Variants in IL6ST observed in about 807,000 individuals in gnomAD.
IL6ST encodes interleukin 6 cytokine family signal transducer.
A neutral mutation model predicts 91.3 loss-of-function variants in IL6ST; 24 were observed. That is an observed-to-expected ratio of 0.26 (90% confidence interval 0.19 to 0.37). The LOEUF is 0.37. Among genes scored for constraint, IL6ST ranks in the 10% least tolerant of loss-of-function variants. The pLI, the probability that IL6ST is intolerant of heterozygous loss-of-function variation, is 1.00. For missense variants in IL6ST, 914 were observed against 1,078.5 expected (o/e 0.85, Z 2.14); for synonymous variants, 351 against 373.6 (o/e 0.94, Z 0.70).
At chr5:55,986,837 AC>A (rs1220422919) in intron 1 of IL6ST, among the ~76,000 whole-genome samples, 2 of 152,018 alleles carry the variant, frequency 1.3e-5, no homozygotes, top group Admixed American at 1.3e-4. Flanking sequence ...CTCCCCCCAG[AC>A]CTTTGTGCTA....
intron 9 of IL6ST, among the ~76,000 whole-genome samples, 172 bp downstream of exon 9, chr5:55,957,037 A>T (rs1291898486): frequency 6.6e-6 from 1 of 152,024 alleles, no homozygotes; most frequent in Non-Finnish European, 1.5e-5. Flanking sequence ...GCACACCTGT[A>T]GTCCCAGCTA....
chr5:55,952,405 T>A, intron 11 of IL6ST, 54 bp from the exon 12 acceptor site: 1 of 952,838 alleles, frequency 1.0e-6, no homozygotes, highest in Non-Finnish European at 1.6e-6. Flanking sequence ...AAAGTCAAGT[T>A]AATACCGTAA....
Position 55,969,645 on chromosome 5 carries a change from G to A in IL6ST, c.275C>T (p.Thr92Ile). 2.5e-6 allele frequency: 4 copies of A among 1,611,948 alleles called. No individual in the cohort carries two copies. Among genetic ancestry groups the A allele is most frequent in the Non-Finnish European group, 3.4e-6 (4 of 1,178,164 alleles). Residue 92 changes from threonine to isoleucine, a missense_variant, in exon 4 of 17, where the codon ACA (threonine) becomes ATA (isoleucine). By Grantham distance (89) the Thr-to-Ile change is moderately conservative. Coordinates refer to ENST00000381298, the MANE Select transcript of IL6ST (RefSeq NM_002184.4). ...CTGAATATTTAATGAAGCTATATCT[G>A]TAAAGGTGACACTGGATGCTGTTCT... ...INRTASSVTF[T>I]DIASLNIQLT...
chr5:55,982,550 G>C (rs1343483871), intron 2 of IL6ST, among the ~76,000 whole-genome samples, 174 bp downstream of exon 2: 1 of 151,948 alleles, frequency 6.6e-6, no homozygotes, highest in Non-Finnish European at 1.5e-5. Context: ...TCAATTATGA[G>C]TTCATAACAA....
Position 55,952,391 on chromosome 5 carries a change from T to C in IL6ST, c.1451-40A>G, listed in dbSNP as rs1751690568. 2.5e-6 allele frequency: 3 copies of C among 1,206,486 alleles called. No homozygotes were observed. In the African/African-American group the frequency reaches 4.5e-5, roughly 18 times the overall value. 74.7% of individuals were successfully genotyped at this position (1,206,486 alleles called of 1,614,324 possible). On this transcript the variant is annotated intron_variant, in intron 11 of 16. Coordinates refer to ENST00000381298, the MANE Select transcript of IL6ST (RefSeq NM_002184.4). Reference sequence around the variant, plus strand: ...GCAGATTAAGCATGTTTTTCCATAATGAAAAAGTCAAGTTAATACCGTAAT... The same window carrying C: ...GCAGATTAAGCATGTTTTTCCATAACGAAAAAGTCAAGTTAATACCGTAAT...
At position 55,972,121 on chromosome 5, in the gene IL6ST, G is replaced by A. The variant is rs116678749; in HGVS notation, c.65-2266C>T. ...ATACTTTCTCTAAAGTAATCATAGG[G>A]ATGTTAAATATGAAATATACTCTAG... On this transcript the variant is annotated intron_variant, in intron 3 of 16. Coordinates refer to ENST00000381298, the MANE Select transcript of IL6ST (RefSeq NM_002184.4). 6.7e-3 allele frequency among the ~76,000 whole-genome samples: 1,027 copies of A among 152,250 alleles called. 5 individuals are homozygous for A. The highest frequency in any genetic ancestry group is 0.011 in the Non-Finnish European group (769 of 68,028).
In IL6ST at chr5:55,938,796, A is replaced by G. The variant is rs1425016730; in HGVS notation, c.*2286T>C. ...TCTCCTTAGGGCAGGTGTACATTAC[A>G]TATTAGTGCTCAAATATATGTTCAT... On this transcript the variant is annotated 3_prime_UTR_variant, in exon 17 of 17. Coordinates refer to ENST00000381298, the MANE Select transcript of IL6ST (RefSeq NM_002184.4). 4.9e-6 allele frequency: 1 copy of G among 202,786 alleles called. No individual in the cohort carries two copies. Among genetic ancestry groups the G allele is most frequent in the African/African-American group, 2.3e-5 (1 of 43,616 alleles). 12.6% of individuals were successfully genotyped at this position (202,786 alleles called of 1,614,324 possible). A position where few individuals can be genotyped will look rare whatever the true frequency, so the allele number is the denominator to read the frequency against.
chr5:55,981,784 A>G (rs997677468), intron 2 of IL6ST, among the ~76,000 whole-genome samples: 1 of 152,212 alleles, frequency 6.6e-6, no homozygotes, highest in African/African-American at 2.4e-5. Flanking sequence ...TTCTATGCAT[A>G]TATTATAACC....
intron 15 of IL6ST, among the ~76,000 whole-genome samples, chr5:55,945,195 TA>T (rs762428930): frequency 2.1e-4 from 32 of 152,136 alleles, no homozygotes; most frequent in Admixed American, 6.5e-4. Flanking sequence ...CTAGCCAAAA[TA>T]ACTTCTTTAA....
Position 55,969,968 on chromosome 5 carries a change from A to G in IL6ST, c.65-113T>C, listed in dbSNP as rs985731565. The stretch of plus-strand genomic sequence containing the variant: ...CCTCAACCGTCACTAAAATATCCCT[A>G]AAGACACAGAAAAAGACAATACACA... On this transcript the variant is annotated intron_variant, in intron 3 of 16. Coordinates refer to ENST00000381298, the MANE Select transcript of IL6ST (RefSeq NM_002184.4). The G allele has an allele frequency of 6.4e-6, 4 of 621,700 alleles. No homozygotes were observed. The East Asian group carries it at 7.7e-5, about 12-fold the overall frequency. 38.5% of individuals were successfully genotyped at this position (621,700 alleles called of 1,614,324 possible).
At chr5:55,962,475 T>C (rs573947957) in intron 7 of IL6ST, among the ~76,000 whole-genome samples, 1 of 152,348 alleles carries the variant, frequency 6.6e-6, no homozygotes, top group East Asian at 1.9e-4. Flanking sequence ...TATACTATCA[T>C]TTTCAGTCTT....
At chr5:55,944,596 A>T (rs1269972989) in intron 15 of IL6ST, 4 of 601,516 alleles carry the variant, frequency 6.6e-6, no homozygotes, top group Non-Finnish European at 1.2e-5. Flanking sequence ...AAGACTCAGT[A>T]GCGTTAAGAC....
intron 7 of IL6ST, among the ~76,000 whole-genome samples, chr5:55,960,853 A>C (rs1164602728): frequency 6.6e-6 from 1 of 151,458 alleles, no homozygotes; most frequent in African/African-American, 2.4e-5. Flanking sequence ...CTGGTCTGTA[A>C]CTCCTGACCT....
chr5:55,942,839 C>A, intron 15 of IL6ST, 88 bp from the exon 16 acceptor site: 2 of 693,308 alleles, frequency 2.9e-6, no homozygotes, highest in Non-Finnish European at 2.5e-6. Flanking sequence ...ATCAAAGACT[C>A]TTACAAACCA....
At chr5:55,975,107 T>A (rs1027086463) in intron 3 of IL6ST, among the ~76,000 whole-genome samples, 2 of 152,052 alleles carry the variant, frequency 1.3e-5, no homozygotes, top group African/African-American at 2.4e-5. Flanking sequence ...CTCAGCCTCC[T>A]GAGTAGTTGG....
At chr5:55,994,618 C>G (rs10076283) in intron 1 of IL6ST, among the ~76,000 whole-genome samples, 166 bp downstream of exon 1, 36,583 of 151,856 alleles carry the variant, frequency 0.24, 6,872 homozygotes, top group African/African-American at 0.52. Context: ...ATTCGGAGGT[C>G]CGGGAGCAGG....
intron 2 of IL6ST, among the ~76,000 whole-genome samples, chr5:55,978,704 G>A (rs1202744402): frequency 6.6e-6 from 1 of 152,214 alleles, no homozygotes; most frequent in Non-Finnish European, 1.5e-5. Flanking sequence ...CAGCCTAGGT[G>A]ACAGAGCGAG....
At chr5:55,981,147 G>A (rs1314588972) in intron 2 of IL6ST, among the ~76,000 whole-genome samples, 19 of 152,158 alleles carry the variant, frequency 1.2e-4, no homozygotes, top group Admixed American at 1.0e-3. Context: ...CAAGCAAAGC[G>A]AACTAGGCAA....
chr5:55,964,014 A>G, intron 6 of IL6ST, 132 bp downstream of exon 6: 2 of 426,652 alleles, frequency 4.7e-6, no homozygotes, highest in Non-Finnish European at 8.0e-6. Context: ...TAAAAAAGTA[A>G]AATCTAAAAA....
Sources: gnomAD v4.1 joint callset for allele counts (sites outside exome capture counted in the v4.1 genomes callset) on GRCh38, gnomAD v4.1.1 for gene constraint, MANE v1.5 for transcripts, NCBI Gene and HGNC (gene_info 2026-07-23, HGNC 2026-07-21) for gene names.